SLC37A2: variants seen among roughly 807,000 people sequenced by gnomAD.
SLC37A2 encodes the protein solute carrier family 37 member 2.
Under a neutral mutation model 70.7 loss-of-function variants are expected in SLC37A2, and 59 were observed. The ratio of observed to expected loss-of-function variants is 0.83; its 90% CI spans 0.68 to 1.04. The LOEUF (loss-of-function observed/expected upper bound fraction) is 1.04. Ranked by LOEUF, SLC37A2 falls within the 50% of genes least tolerant of loss-of-function variation. The pLI, the probability that SLC37A2 is intolerant of heterozygous loss-of-function variation, is 0.00. For synonymous variants in SLC37A2, 257 were observed against 262.1 expected (o/e 0.98, Z 0.19); for missense variants, 580 against 658.1 (o/e 0.88, Z 1.30).
At chr11:125,079,613 A>G (rs1591632093) in intron 5 of SLC37A2, 71 bp from the exon 6 acceptor site, 1 of 1,258,570 alleles carries the variant, frequency 7.9e-7, no homozygotes, top group Non-Finnish European at 1.1e-6. Flanking sequence ...TCCTCAGCCC[A>G]GGGTGGTCAG....
intron 17 of SLC37A2, chr11:125,086,555 C>T: frequency 2.5e-6 from 1 of 405,306 alleles, no homozygotes; most frequent in South Asian, 2.4e-5. Context: ...TGCGACTGAG[C>T]TGCAAGTGCC....
At chr11:125,085,032 G>C (rs766980022) in intron 13 of SLC37A2, 34 bp from the exon 14 acceptor site, 30 of 1,611,766 alleles carry the variant, frequency 1.9e-5, no homozygotes, top group Non-Finnish European at 2.5e-5. Flanking sequence ...GGGTGGTGCT[G>C]CTTCTCTGAC....
intron 1 of SLC37A2, among the ~76,000 whole-genome samples, chr11:125,069,068 G>A (rs1490995880): frequency 1.3e-5 from 2 of 152,210 alleles, no homozygotes; most frequent in African/African-American, 4.8e-5. Flanking sequence ...ACTTAGGTCA[G>A]TGCCAGGCTG....
At chr11:125,074,732 C>T (rs1949065663) in intron 1 of SLC37A2, among the ~76,000 whole-genome samples, 1 of 152,182 alleles carries the variant, frequency 6.6e-6, no homozygotes, top group Non-Finnish European at 1.5e-5. Context: ...AGTCTGGCTT[C>T]CTAGTCAACA....
chr11:125,073,580 C>T (rs535574591), intron 1 of SLC37A2, among the ~76,000 whole-genome samples: 8 of 152,362 alleles, frequency 5.3e-5, no homozygotes, highest in African/African-American at 1.9e-4. Flanking sequence ...GGAACAATTT[C>T]AGACTGGTTA....
chr11:125,067,083 G>A (rs1948988775), intron 1 of SLC37A2, among the ~76,000 whole-genome samples: 1 of 152,110 alleles, frequency 6.6e-6, no homozygotes, highest in Non-Finnish European at 1.5e-5. Context: ...GGGCTCAAGG[G>A]ATCCTCTTGC....
rs1157109893 is a variant in SLC37A2, at chr11:125,090,478, G to A, written c.*2344G>A. Reference sequence around the variant, plus strand: ...TCGCTCGGGTCCCCTTCCACGCTGTGGGAGCTTTGTTCTTTGCAATAAATC... The same window carrying A: ...TCGCTCGGGTCCCCTTCCACGCTGTAGGAGCTTTGTTCTTTGCAATAAATC... On this transcript the variant is annotated 3_prime_UTR_variant, in exon 18 of 18. Transcript: ENST00000403796. Among the ~76,000 whole-genome samples, 2 of 152,184 alleles carry A rather than the reference G, an allele frequency of 1.3e-5. No individual in the cohort carries two copies. Among genetic ancestry groups the A allele is most frequent in the African/African-American group, 2.4e-5 (1 of 41,448 alleles).
chr11:125,083,916 C>G lies in SLC37A2; in HGVS notation c.1039+39C>G. On this transcript the variant is annotated intron_variant, in intron 11 of 17. Coordinates refer to ENST00000403796, the MANE Select transcript of SLC37A2 (RefSeq NM_001145290.2). The surrounding 1 kb of genome is among the most constrained non-coding windows in gnomAD (Gnocchi z 4.6). The stretch of plus-strand genomic sequence containing the variant: ...CTGCTCTGCCAGCAGGCTCCCTTCC[C>G]CTCTTTTCTTGTGGGGTGCAGGAAG... 2 of 1,600,046 alleles carry G rather than the reference C, an allele frequency of 1.2e-6. No individual in the cohort carries two copies. Among genetic ancestry groups the G allele is most frequent in the Non-Finnish European group, 1.7e-6 (2 of 1,167,386 alleles).
chr11:125,079,087 G>A (rs996276492), intron 4 of SLC37A2, 25 bp from the exon 5 acceptor site: 20 of 1,613,638 alleles, frequency 1.2e-5, no homozygotes, highest in Middle Eastern at 1.6e-4. Flanking sequence ...GAGCTTAACC[G>A]CAGATCCAAC....
chr11:125,079,149 C>T lies in SLC37A2; in HGVS notation c.352C>T (p.Leu118Phe), dbSNP rs1949121444. 7 of 1,614,084 alleles carry T rather than the reference C, an allele frequency of 4.3e-6. No individual in the cohort carries two copies. Among genetic ancestry groups the T allele is most frequent in the Non-Finnish European group, 5.9e-6 (7 of 1,180,000 alleles). The change falls in exon 5 of 18, where the codon CTC becomes TTC. Residue 118 changes from leucine (L) to phenylalanine (F), a missense_variant. Transcript: ENST00000403796. The part of the protein sequence containing the change: ...FGERLPLRYY[L>F]SAGMLLSGLF... The stretch of plus-strand genomic sequence containing the variant: ...GGAGCGGCTTCCGCTCCGTTACTAC[C>T]TCTCAGCTGGAATGCTGCTCAGTGG...
chr11:125,072,566 C>T (rs1949040027), intron 1 of SLC37A2, among the ~76,000 whole-genome samples: 1 of 152,202 alleles, frequency 6.6e-6, no homozygotes, highest in Admixed American at 6.5e-5. Flanking sequence ...CTAGGCAAGG[C>T]CTGGCTGTGC....
chr11:125,076,648 G>C (rs1188381957), intron 1 of SLC37A2, 109 bp from the exon 2 acceptor site: 4 of 970,206 alleles, frequency 4.1e-6, no homozygotes, highest in Non-Finnish European at 6.5e-6. Flanking sequence ...AAGAGTTGGT[G>C]GTCCTCAGGC....
At chr11:125,082,979 G>T (rs1473432818) in intron 10 of SLC37A2, among the ~76,000 whole-genome samples, 1 of 152,190 alleles carries the variant, frequency 6.6e-6, no homozygotes, top group African/African-American at 2.4e-5. Flanking sequence ...AGGTCAGGCT[G>T]CTCTACCAAA....
At chr11:125,066,667 C>T (rs540941803) in intron 1 of SLC37A2, among the ~76,000 whole-genome samples, 52 of 151,940 alleles carry the variant, frequency 3.4e-4, no homozygotes, top group Middle Eastern at 3.4e-3. Context: ...ATCTAGACAA[C>T]GTCTAAAAAT....
chr11:125,078,107 G>T (rs1949110034), intron 4 of SLC37A2, among the ~76,000 whole-genome samples: 1 of 152,220 alleles, frequency 6.6e-6, no homozygotes, highest in South Asian at 2.1e-4. Flanking sequence ...GATGGTGCCT[G>T]ACCTGATGCA....
chr11:125,074,633 G>A (rs1414221869), intron 1 of SLC37A2, among the ~76,000 whole-genome samples: 1 of 151,894 alleles, frequency 6.6e-6, no homozygotes, highest in Admixed American at 6.6e-5. Context: ...TGGGGTGGGA[G>A]GGGAAAGGGT....
chr11:125,081,376 G>C, intron 7 of SLC37A2, 45 bp from the exon 8 acceptor site: 1 of 1,577,800 alleles, frequency 6.3e-7, no homozygotes, highest in South Asian at 1.2e-5. Flanking sequence ...GGGATTGGGG[G>C]GGCGGGGGTT....
chr11:125,076,739 T>A lies in SLC37A2; in HGVS notation c.60-18T>A. 2 of 1,613,380 alleles carry A rather than the reference T, an allele frequency of 1.2e-6. No homozygotes were observed. Among genetic ancestry groups the A allele is most frequent in the Non-Finnish European group, 1.7e-6 (2 of 1,179,330 alleles). On this transcript the variant is annotated intron_variant, in intron 1 of 17. Coordinates refer to ENST00000403796, the MANE Select transcript of SLC37A2 (RefSeq NM_001145290.2). ...GGGGCTGACTTCCCACTAACGCAGA[T>A]GCTGTCCCTTCCTGCAGGTTCCGAG...
At position 125,080,111 on chromosome 11, in the gene SLC37A2, C is replaced by T. The variant is rs1949130994; in HGVS notation, c.527+351C>T. ...TTGGAGAAGGAGTTCTCACCCTTGG[C>T]ACTACTGACTTTCTGGGCTATTGGA... On this transcript the variant is annotated intron_variant, in intron 6 of 17. Transcript: ENST00000403796. This position sits in a 1 kb window ranked among gnomAD's most constrained non-coding sequence, Gnocchi z 4.3. Among the ~76,000 whole-genome samples the T allele has an allele frequency of 6.6e-6, 1 of 152,170 alleles. No individual in the cohort carries two copies. The highest frequency in any genetic ancestry group is 1.5e-5 in the Non-Finnish European group (1 of 68,042).
Sources: allele counts gnomAD v4.1 joint callset (sites outside exome capture counted in the v4.1 genomes callset), GRCh38; gene constraint gnomAD v4.1.1; non-coding constraint Gnocchi (gnomAD v3.1); transcripts MANE v1.5; gene names NCBI Gene and HGNC (gene_info 2026-07-23, HGNC 2026-07-21).